PDCD6: variants seen among roughly 807,000 people sequenced by gnomAD.
The protein encoded by PDCD6 is programmed cell death protein 6.
In PDCD6, 12 loss-of-function variants were observed where a neutral mutation model predicts 28.3. The ratio of observed to expected loss-of-function variants is 0.42; its 90% CI spans 0.27 to 0.69. The LOEUF (loss-of-function observed/expected upper bound fraction) is 0.69. Ranked by LOEUF, PDCD6 falls within the 30% of genes least tolerant of loss-of-function variation. The probability of loss-of-function intolerance (pLI) is 0.22; values close to 1 mark genes in which losing one functional copy is unlikely to be tolerated. For synonymous variants in PDCD6, 92 were observed against 108.0 expected (o/e 0.85, Z 0.92); for missense variants, 226 against 269.9 (o/e 0.84, Z 1.14).
At position 291,830 on chromosome 5, in the gene PDCD6, C is replaced by G. The variant is rs1339257494; in HGVS notation, c.164-12347C>G. Among the ~76,000 whole-genome samples, 4 of 152,186 alleles carry G rather than the reference C, an allele frequency of 2.6e-5. No individual in the cohort carries two copies. The East Asian group carries it at 7.7e-4, about 29-fold the overall frequency. On this transcript the variant is annotated intron_variant, in intron 2 of 5. Transcript: ENST00000264933. ...GATGAGTGTTTGGCCAGGTTGGGGC[C>G]CTGAGGACTGTGTTTTGTTGGGAAC...
At chr5:295,075 G>A (rs1176751269) in intron 2 of PDCD6, among the ~76,000 whole-genome samples, 1 of 152,184 alleles carries the variant, frequency 6.6e-6, no homozygotes, top group Non-Finnish European at 1.5e-5. Context: ...GCACCTCACT[G>A]TGGGCTGCTG....
intron 2 of PDCD6, among the ~76,000 whole-genome samples, chr5:282,633 G>T (rs1332090117): frequency 7.0e-6 from 1 of 143,306 alleles, no homozygotes; most frequent in African/African-American, 2.8e-5. Context: ...CTAGATTGAG[G>T]GTCGCACAGC....
chr5:284,392 C>T (rs1160328688), intron 2 of PDCD6, among the ~76,000 whole-genome samples: 1 of 152,172 alleles, frequency 6.6e-6, no homozygotes, highest in African/African-American at 2.4e-5. Flanking sequence ...GCTGAATACT[C>T]CAGGAGGAGC....
At chr5:313,467 G>GTT (rs150288931) in intron 5 of PDCD6, among the ~76,000 whole-genome samples, 22 of 151,440 alleles carry the variant, frequency 1.5e-4, no homozygotes, top group Admixed American at 3.9e-4. Context: ...CTGCAGGGTT[G>GTT]TTTTTTTTTC....
intron 2 of PDCD6, among the ~76,000 whole-genome samples, chr5:274,376 A>C (rs540875533): frequency 6.6e-6 from 1 of 152,358 alleles, no homozygotes; most frequent in Non-Finnish European, 1.5e-5. Context: ...CCGCATTAGT[A>C]TGGTAGCCTG....
intron 2 of PDCD6, among the ~76,000 whole-genome samples, chr5:292,534 C>T (rs1175102842): frequency 6.6e-6 from 1 of 152,236 alleles, no homozygotes; most frequent in Non-Finnish European, 1.5e-5. Context: ...GCTGGGATTA[C>T]AGGCATGAGC....
intron 2 of PDCD6, among the ~76,000 whole-genome samples, chr5:302,191 C>CTGCTGTG (rs1561046694): frequency 1.1e-5 from 1 of 88,068 alleles, no homozygotes. Context: ...TGGAGTGCTG[C>CTGCTGTG]TGTGTGTGTG....
intron 2 of PDCD6, among the ~76,000 whole-genome samples, chr5:286,025 A>G (rs1208225374): frequency 1.5e-4 from 21 of 135,896 alleles, no homozygotes; most frequent in African/African-American, 5.4e-4. Context: ...TTTTAGGGCC[A>G]TGCAGCTGGA....
chr5:295,096 G>A (rs1739525570), intron 2 of PDCD6, among the ~76,000 whole-genome samples: 1 of 152,154 alleles, frequency 6.6e-6, no homozygotes, highest in African/African-American at 2.4e-5. Flanking sequence ...CGGCTGAGGG[G>A]CTGTACAGCA....
chr5:293,149 T>C (rs1384801268), intron 2 of PDCD6, among the ~76,000 whole-genome samples: 3 of 152,060 alleles, frequency 2.0e-5, no homozygotes, highest in Non-Finnish European at 2.9e-5. Context: ...GACTTTCCCA[T>C]ATGGACAAGC....
At chr5:279,319 G>A (rs12515562) in intron 2 of PDCD6, among the ~76,000 whole-genome samples, 57,230 of 151,748 alleles carry the variant, frequency 0.38, 12,508 homozygotes, top group South Asian at 0.51. Context: ...TCACAGACAC[G>A]GCACAAGCAG....
chr5:296,291 C>A (rs750237182), intron 2 of PDCD6, among the ~76,000 whole-genome samples: 1 of 152,168 alleles, frequency 6.6e-6, no homozygotes, highest in Non-Finnish European at 1.5e-5. Context: ...TCCTCTCCCC[C>A]ACCCCAGCCT....
At chr5:285,804 GAGCTGATGTTCCAGTTTGAGGGCCCAGA>G (rs887899743) in intron 2 of PDCD6, among the ~76,000 whole-genome samples, 4 of 152,136 alleles carry the variant, frequency 2.6e-5, no homozygotes, top group Non-Finnish European at 4.4e-5. Context: ...CCCAGTGGGG[GAGCTGATGTTCCAGTTTGAGGGCCCAGA>G]AGCTGATGTT....
chr5:299,852 A>ATTT (rs542188646), intron 2 of PDCD6, among the ~76,000 whole-genome samples: 16 of 149,422 alleles, frequency 1.1e-4, no homozygotes, highest in Admixed American at 2.7e-4. Context: ...CCCAGCTGGT[A>ATTT]TTTTTTTTTT....
Position 274,468 on chromosome 5 carries a change from G to A in PDCD6, c.163+1696G>A, listed in dbSNP as rs530458659. Among the ~76,000 whole-genome samples the A allele has an allele frequency of 1.6e-4, 25 of 152,316 alleles. No individual in the cohort carries two copies. In the South Asian group the frequency reaches 4.8e-3, roughly 29 times the overall value. ...GCTCTACCAGTTTTGTGTCCTCGCC[G>A]TTACTGGGAGGGAGTATTGAGGAAA... On this transcript the variant is annotated intron_variant, in intron 2 of 5. Coordinates refer to ENST00000264933, the MANE Select transcript of PDCD6 (RefSeq NM_013232.4).
intron 5 of PDCD6, among the ~76,000 whole-genome samples, chr5:312,843 C>T (rs2015774): frequency 1.3e-5 from 2 of 151,940 alleles, no homozygotes; most frequent in Non-Finnish European, 1.5e-5. Context: ...GAAAAGATGC[C>T]GTGTAAAATC....
At chr5:277,912 C>A (rs368555986) in intron 2 of PDCD6, among the ~76,000 whole-genome samples, 468 of 110,702 alleles carry the variant, frequency 4.2e-3, no homozygotes, top group Middle Eastern at 9.9e-3. Context: ...GACTCCATCT[C>A]AAAAAAAAAA....
intron 5 of PDCD6, among the ~76,000 whole-genome samples, chr5:314,181 G>T (rs998033679): frequency 6.6e-6 from 1 of 151,950 alleles, no homozygotes; most frequent in Non-Finnish European, 1.5e-5. Context: ...TCAGCCAGGG[G>T]CTCAGCCAGG....
chr5:278,755 G>GA (rs1738366303), intron 2 of PDCD6, among the ~76,000 whole-genome samples: 1 of 148,448 alleles, frequency 6.7e-6, no homozygotes, highest in Non-Finnish European at 1.5e-5. Flanking sequence ...AAAAGAAAGA[G>GA]ATGGGGCAAG....
Sources: allele counts gnomAD v4.1 joint callset (sites outside exome capture counted in the v4.1 genomes callset), GRCh38; gene constraint gnomAD v4.1.1; transcripts MANE v1.5; gene names NCBI Gene and HGNC (gene_info 2026-07-23, HGNC 2026-07-21).